The following CSMD1 variants were observed in gnomAD, a reference collection of about 807,000 sequenced individuals.
CSMD1 encodes the protein CUB and Sushi multiple domains 1.
A neutral mutation model predicts 417.5 loss-of-function variants in CSMD1; 213 were observed. The observed-to-expected ratio is 0.51, with a 90% CI of 0.46 to 0.57. The LOEUF is 0.57. Among genes scored for constraint, CSMD1 ranks in the 20% least tolerant of loss-of-function variants. The pLI, the probability that CSMD1 is intolerant of heterozygous loss-of-function variation, is 0.00. For synonymous variants in CSMD1, 2,862 were observed against 1,736.8 expected, an observed-to-expected ratio of 1.65 and a Z score of -16.11; for missense variants, 6,923 against 4,529.7, an observed-to-expected ratio of 1.53 and a Z score of -15.17.
chr8:3,052,640 G>A lies in CSMD1; in HGVS notation c.7482C>T (p.Ser2494=), dbSNP rs765074895. Residue 2494 remains serine, a synonymous_variant, in exon 50 of 70, where the codon TCC becomes TCT. Coordinates refer to ENST00000635120, the MANE Select transcript of CSMD1 (RefSeq NM_033225.6). ...TTCCTGGGGATTCTGGGATTCCACA[G>A]GACACAGCTGAAAAGAAATGAAACA... ...DSLTPLCQAV[S]CGIPESPGNG... 8 of 1,599,370 alleles carry A rather than the reference G, an allele frequency of 5.0e-6. No homozygotes were observed. The highest frequency in any genetic ancestry group is 4.3e-6 in the Non-Finnish European group (5 of 1,173,850).
intron 5 of CSMD1, among the ~76,000 whole-genome samples, chr8:3,945,262 A>G (rs1311303656): frequency 6.6e-6 from 1 of 152,018 alleles, no homozygotes; most frequent in Non-Finnish European, 1.5e-5. Flanking sequence ...AAGCTGAACA[A>G]TACATTCTCC....
intron 1 of CSMD1, among the ~76,000 whole-genome samples, chr8:4,937,229 T>A (rs1450075027): frequency 6.6e-6 from 1 of 151,892 alleles, no homozygotes; most frequent in Non-Finnish European, 1.5e-5. Context: ...AATAAATAAA[T>A]AAAATTATTT....
intron 17 of CSMD1, among the ~76,000 whole-genome samples, chr8:3,394,989 A>G (rs901683926): frequency 2.6e-5 from 4 of 152,168 alleles, no homozygotes; most frequent in Admixed American, 6.5e-5. Context: ...GTATACTTAT[A>G]TGAGTATGTA....
intron 5 of CSMD1, among the ~76,000 whole-genome samples, chr8:3,858,923 G>A (rs1804501636): frequency 6.6e-6 from 1 of 152,192 alleles, no homozygotes; most frequent in African/African-American, 2.4e-5. Flanking sequence ...GATTTGGCGA[G>A]TTGGTTGAAG....
chr8:4,194,072 A>C (rs1003271020), intron 3 of CSMD1, among the ~76,000 whole-genome samples: 4 of 152,148 alleles, frequency 2.6e-5, no homozygotes, highest in Non-Finnish European at 4.4e-5. Flanking sequence ...AAAATATATT[A>C]ACAATTTCAA....
intron 3 of CSMD1, among the ~76,000 whole-genome samples, chr8:4,033,284 C>A (rs891322221): frequency 2.6e-5 from 4 of 151,342 alleles, no homozygotes; most frequent in African/African-American, 9.7e-5. Flanking sequence ...ACTAAAAATA[C>A]AAAAAAAATT....
chr8:3,894,095 C>T (rs191489793), intron 5 of CSMD1, among the ~76,000 whole-genome samples: 4 of 152,284 alleles, frequency 2.6e-5, no homozygotes, highest in East Asian at 1.9e-4. Flanking sequence ...GTCTCTTTCA[C>T]GGTGTTCCGT....
At chr8:3,503,398 C>T (rs1022605451) in intron 10 of CSMD1, among the ~76,000 whole-genome samples, 1 of 152,224 alleles carries the variant, frequency 6.6e-6, no homozygotes, top group Non-Finnish European at 1.5e-5. Context: ...GTCAAAGCTG[C>T]TAGTGATTCA....
At chr8:4,441,213 G>C (rs77312438) in intron 2 of CSMD1, among the ~76,000 whole-genome samples, 1,635 of 133,616 alleles carry the variant, frequency 0.012, 35 homozygotes, top group East Asian at 0.11. Flanking sequence ...ATCCTCGCAC[G>C]TCAGCCTCTT....
At position 3,005,317 on chromosome 8, in the gene CSMD1, C is replaced by G. The variant is rs148516684; in HGVS notation, c.8030-5186G>C. 5.0e-3 allele frequency among the ~76,000 whole-genome samples: 764 copies of G among 152,264 alleles called. 6 individuals carry two copies. The highest frequency in any genetic ancestry group is 0.018 in the African/African-American group (733 of 41,540). ...CACTAGCTTTTCAGTCTACTCTATTCTGTGTCTGATGAAAGCTTTGTTACT... is the reference window on the plus strand; with the variant it reads ...CACTAGCTTTTCAGTCTACTCTATTGTGTGTCTGATGAAAGCTTTGTTACT... On this transcript the variant is annotated intron_variant, in intron 52 of 69. Coordinates refer to ENST00000635120, the MANE Select transcript of CSMD1 (RefSeq NM_033225.6).
chr8:4,512,039 C>T (rs1482455681), intron 2 of CSMD1, among the ~76,000 whole-genome samples: 1 of 152,090 alleles, frequency 6.6e-6, no homozygotes, highest in Non-Finnish European at 1.5e-5. Flanking sequence ...CAAAAATCCT[C>T]AACAAAATAT....
chr8:2,970,127 T>C (rs1041514654), intron 57 of CSMD1, among the ~76,000 whole-genome samples: 7 of 152,198 alleles, frequency 4.6e-5, no homozygotes, highest in East Asian at 1.9e-4. Context: ...CTGAGTTAGA[T>C]AGATTGGGAA....
At chr8:3,151,171 C>T (rs537129256) in intron 40 of CSMD1, 24 of 452,994 alleles carry the variant, frequency 5.3e-5, no homozygotes, top group Admixed American at 2.2e-4. Context: ...TATCATCATT[C>T]GGCCAATTTA....
At chr8:3,703,332 T>G (rs892747448) in intron 7 of CSMD1, among the ~76,000 whole-genome samples, 2 of 152,178 alleles carry the variant, frequency 1.3e-5, no homozygotes, top group South Asian at 4.1e-4. Context: ...CTGATGAACG[T>G]GGGTTCCCAA....
At chr8:4,953,996 G>T (rs1266918125) in intron 1 of CSMD1, among the ~76,000 whole-genome samples, 1 of 152,120 alleles carries the variant, frequency 6.6e-6, no homozygotes, top group Non-Finnish European at 1.5e-5. Context: ...CAGAAACACA[G>T]CAGCAATGAA....
intron 1 of CSMD1, among the ~76,000 whole-genome samples, chr8:4,704,832 C>G (rs1229548919): frequency 1.3e-5 from 2 of 152,140 alleles, no homozygotes; most frequent in African/African-American, 4.8e-5. Flanking sequence ...CCTACTGCAT[C>G]TCTATGCTGA....
chr8:3,257,968 C>A (rs565944686), intron 26 of CSMD1, among the ~76,000 whole-genome samples: 1 of 151,940 alleles, frequency 6.6e-6, no homozygotes. Context: ...ATGGAGAGGC[C>A]GTGAGACCAG....
chr8:3,631,609 C>T (rs376219624), intron 7 of CSMD1, among the ~76,000 whole-genome samples: 2 of 152,194 alleles, frequency 1.3e-5, no homozygotes, highest in Non-Finnish European at 2.9e-5. Flanking sequence ...GGGAAGGATC[C>T]ATCGGTTTTG....
At chr8:4,611,518 G>A (rs893173398) in intron 2 of CSMD1, among the ~76,000 whole-genome samples, 6 of 151,944 alleles carry the variant, frequency 3.9e-5, no homozygotes, top group African/African-American at 1.5e-4. Context: ...TAAAACTATC[G>A]CAATTTATTA....
Sources: gnomAD v4.1 joint callset for allele counts (sites outside exome capture counted in the v4.1 genomes callset) on GRCh38, gnomAD v4.1.1 for gene constraint, MANE v1.5 for transcripts, NCBI Gene and HGNC (gene_info 2026-07-23, HGNC 2026-07-21) for gene names.